The following IGSF10 variants were observed in gnomAD, a reference collection of about 807,000 sequenced individuals.
The protein encoded by IGSF10 is calvaria mechanical force protein 608.
IGSF10 carries 126 observed loss-of-function variants against 128.2 expected under a neutral mutation model. That is an observed-to-expected ratio of 0.98 (90% confidence interval 0.85 to 1.14). The LOEUF is 1.14. Ranked by LOEUF, IGSF10 falls within the 50% of genes most tolerant of loss-of-function variation. The pLI is 0.00. For synonymous variants in IGSF10, 1,185 were observed against 1,146.2 expected (o/e 1.03, Z -0.68); for missense variants, 3,295 against 3,149.8 (o/e 1.05, Z -1.10).
At chr3:151,464,594 G>A (rs1277700911), upstream of IGSF10, among the ~76,000 whole-genome samples, 2 of 152,106 alleles carry the variant, frequency 1.3e-5, no homozygotes, top group Non-Finnish European at 2.9e-5. Context: ...TTTTAAAACT[G>A]ACTTATATAT....
At chr3:151,565,845 A>G in the IGSF10 span, 2 of 151,992 alleles carry the variant, frequency 1.3e-5, no homozygotes, top group Non-Finnish European at 2.9e-5. Flanking sequence ...GATGATAGCT[A>G]TGATTCCTGT....
the IGSF10 span, among the ~76,000 whole-genome samples, chr3:151,517,820 T>C: frequency 6.6e-6 from 1 of 151,938 alleles, no homozygotes. Context: ...TAAGGAAACA[T>C]AGATACTAGA....
chr3:151,443,740 A>C lies in IGSF10; in HGVS notation c.5207T>G (p.Val1736Gly). The C allele has an allele frequency of 6.2e-7, 1 of 1,614,206 alleles. No homozygotes were observed. Among genetic ancestry groups the C allele is most frequent in the Non-Finnish European group, 8.5e-7 (1 of 1,180,036 alleles). ...SNLFGTDHLH[V>G]TLSVVSYPPR... ...AGGATAGGAAACCACAGACAAGGTG[A>C]CATGAAGGTGGTCTGTGCCAAACAG... The change falls in exon 7 of 8, where the codon GTC (valine) becomes GGC (glycine). Residue 1736 changes from valine to glycine, a missense_variant. By Grantham distance (109) the Val-to-Gly change is moderately radical. Coordinates refer to ENST00000282466, the MANE Select transcript of IGSF10 (RefSeq NM_178822.5).
the IGSF10 span, among the ~76,000 whole-genome samples, chr3:151,491,972 A>C: frequency 6.6e-6 from 1 of 150,760 alleles, no homozygotes; most frequent in Non-Finnish European, 1.5e-5. Flanking sequence ...TGGATATTGC[A>C]TCAAAACCTC....
chr3:151,591,884 CT>C, the IGSF10 span, among the ~76,000 whole-genome samples: 3 of 151,992 alleles, frequency 2.0e-5, no homozygotes, highest in African/African-American at 7.2e-5. Flanking sequence ...ACATCTTTCT[CT>C]TTTTTTAGCT....
Position 151,446,571 on chromosome 3 carries a change from G to A in IGSF10, c.3410C>T (p.Thr1137Ile), listed in dbSNP as rs771961155. ...ATATGTCATGACTGCACCAGTTGGA[G>A]TCACTTGGGAAATTTCAGTCCTGAA... is the stretch of plus-strand genomic sequence containing the variant. ...KYFRTEISQV[T>I]PTGAVMTYAP... Residue 1137 changes from threonine (T) to isoleucine (I), a missense_variant, in exon 6 of 8, where the codon ACT becomes ATT. Coordinates refer to ENST00000282466, the MANE Select transcript of IGSF10 (RefSeq NM_178822.5). 206 of 1,613,942 alleles carry A rather than the reference G, an allele frequency of 1.3e-4. No homozygotes were observed. Among genetic ancestry groups the A allele is most frequent in the Non-Finnish European group, 1.7e-4 (197 of 1,179,930 alleles).
the IGSF10 span, among the ~76,000 whole-genome samples, chr3:151,583,959 T>C: frequency 6.6e-6 from 1 of 152,166 alleles, no homozygotes; most frequent in Admixed American, 6.5e-5. Context: ...TTAGCAAGTG[T>C]TTTTGTTTTA....
chr3:151,466,058 G>A (rs976601950), upstream of IGSF10, among the ~76,000 whole-genome samples: 1 of 152,012 alleles, frequency 6.6e-6, no homozygotes, highest in Non-Finnish European at 1.5e-5. Flanking sequence ...TTCTGACCAC[G>A]AGGCATCCCT....
intron 4 of IGSF10, among the ~76,000 whole-genome samples, chr3:151,455,153 C>T (rs568610551): frequency 2.6e-5 from 4 of 151,030 alleles, no homozygotes; most frequent in Non-Finnish European, 5.9e-5. Context: ...TCTTGTTGCC[C>T]AGGCTGGAGT....
At position 151,453,649 on chromosome 3, in the gene IGSF10, A is replaced by G. The variant is rs1263659313; in HGVS notation, c.450T>C (p.Tyr150=). 3.1e-6 allele frequency: 5 copies of G among 1,614,120 alleles called. No homozygotes were observed. The highest frequency in any genetic ancestry group is 4.2e-6 in the Non-Finnish European group (5 of 1,179,942). ...NIEFINPEVF[Y]GLNFLRLVHL... The stretch of plus-strand genomic sequence containing the variant: ...GCACCAGGCGGAGAAAGTTGAGCCC[A>G]TAAAAAACCTCTGGGTTTATAAACT... The change falls in exon 5 of 8, where the codon TAT becomes TAC. Residue 150 remains tyrosine (Y), a synonymous_variant. Coordinates refer to ENST00000282466, the MANE Select transcript of IGSF10 (RefSeq NM_178822.5).
chr3:151,615,229 T>C, the IGSF10 span, among the ~76,000 whole-genome samples: 9 of 152,244 alleles, frequency 5.9e-5, no homozygotes, highest in South Asian at 1.7e-3. Context: ...GTCAAGGTTT[T>C]TTTGTGAGTT....
In IGSF10 at chr3:151,458,595, T is replaced by C; in HGVS notation, c.115A>G (p.Thr39Ala). 6.2e-7 allele frequency: 1 copy of C among 1,614,150 alleles called. No homozygotes were observed. ...TACCGAAATGTGCAGTGTACCTCCGTAGGCATATAACAGGCACAGCGGCGA... is the reference window on the plus strand; with the variant it reads ...TACCGAAATGTGCAGTGTACCTCCGCAGGCATATAACAGGCACAGCGGCGA... ...CPRRCACYMP[T>A]EVHCTFRYLT... Residue 39 changes from threonine (T) to alanine (A), a missense_variant, in exon 3 of 8, where the codon ACG (threonine) becomes GCG (alanine). Coordinates refer to ENST00000282466, the MANE Select transcript of IGSF10 (RefSeq NM_178822.5).
chr3:151,435,539 A>AACTAACTT (rs1720050894), downstream of IGSF10: 1 of 152,122 alleles, frequency 6.6e-6, no homozygotes, highest in East Asian at 1.9e-4. Flanking sequence ...GGCAGGGGCT[A>AACTAACTT]ACTTATTAGT....
chr3:151,443,760 A>G lies in IGSF10; in HGVS notation c.5187T>C (p.Phe1729=). ...AGGTGACATGAAGGTGGTCTGTGCC[A>G]AACAGATTGGATGCGGAACACAAGT... ...GQYLCSASNL[F]GTDHLHVTLS... The change falls in exon 7 of 8, where the codon TTT becomes TTC. Residue 1729 remains phenylalanine, a synonymous_variant. Coordinates refer to ENST00000282466, the MANE Select transcript of IGSF10 (RefSeq NM_178822.5). 1 of 1,614,176 alleles carries G rather than the reference A, an allele frequency of 6.2e-7. No homozygotes were observed. Among genetic ancestry groups the G allele is most frequent in the Non-Finnish European group, 8.5e-7 (1 of 1,180,044 alleles).
Position 151,447,587 on chromosome 3 carries a change from G to A in IGSF10, c.2394C>T (p.Gly798=), listed in dbSNP as rs1280482479. 6.2e-7 allele frequency: 1 copy of A among 1,614,070 alleles called. No homozygotes were observed. The highest frequency in any genetic ancestry group is 1.3e-5 in the African/African-American group (1 of 74,918). ...TAAATTCCTCATGTAGAGCGAGCAT[G>A]CCTGAGGAATCGTCTTCTTCACCAG... ...NIPGEEDDSS[G]MLALHEEFMV... Residue 798 remains glycine (G), a synonymous_variant, in exon 6 of 8, where the codon GGC becomes GGT. Transcript: ENST00000282466.
chr3:151,514,709 A>G, the IGSF10 span, among the ~76,000 whole-genome samples: 2 of 152,216 alleles, frequency 1.3e-5, no homozygotes, highest in African/African-American at 2.4e-5. Context: ...AATTTTTGCA[A>G]CCTACTCATC....
the IGSF10 span, among the ~76,000 whole-genome samples, chr3:151,492,421 G>T: frequency 6.6e-6 from 1 of 152,148 alleles, no homozygotes; most frequent in African/African-American, 2.4e-5. Context: ...ATATAGACTG[G>T]TTCAGCTATT....
chr3:151,564,351 A>G, the IGSF10 span, among the ~76,000 whole-genome samples: 7 of 152,042 alleles, frequency 4.6e-5, no homozygotes, highest in African/African-American at 1.7e-4. Context: ...GCCAATTGGC[A>G]GCTTTGGATC....
At chr3:151,577,379 G>C in the IGSF10 span, among the ~76,000 whole-genome samples, 1 of 152,198 alleles carries the variant, frequency 6.6e-6, no homozygotes, top group African/African-American at 2.4e-5. Context: ...AGTCTACTAA[G>C]CTTACAATGC....
Sources: gnomAD v4.1 joint callset for allele counts (sites outside exome capture counted in the v4.1 genomes callset) on GRCh38, gnomAD v4.1.1 for gene constraint, MANE v1.5 for transcripts, NCBI Gene and HGNC (gene_info 2026-07-23, HGNC 2026-07-21) for gene names.